The following CES5A variants were observed in gnomAD, a reference collection of about 807,000 sequenced individuals.
CES5A encodes carboxylesterase 5.
Under a neutral mutation model 62.9 loss-of-function variants are expected in CES5A, and 67 were observed. The ratio of observed to expected loss-of-function variants is 1.07; its 90% CI spans 0.88 to 1.31. The LOEUF is 1.31. Among genes scored for constraint, CES5A ranks in the 50% most tolerant of loss-of-function variants. The probability of loss-of-function intolerance (pLI) is 0.00; values close to 1 mark genes in which losing one functional copy is unlikely to be tolerated. For missense variants in CES5A, 748 were observed against 708.5 expected (o/e 1.06, Z -0.63); for synonymous variants, 296 against 280.8 (o/e 1.05, Z -0.54).
intron 6 of CES5A, among the ~76,000 whole-genome samples, chr16:55,862,571 C>CA (rs2033374984): frequency 6.6e-6 from 1 of 152,118 alleles, no homozygotes; most frequent in Admixed American, 6.5e-5. Flanking sequence ...AGAATGTTAC[C>CA]AAAATCAATA....
At chr16:55,880,343 G>C (rs1048197055), upstream of CES5A, among the ~76,000 whole-genome samples, 2 of 152,196 alleles carry the variant, frequency 1.3e-5, no homozygotes, top group Non-Finnish European at 1.5e-5. Flanking sequence ...ACCCTCAACA[G>C]AAGGGTCATG....
intron 7 of CES5A, among the ~76,000 whole-genome samples, chr16:55,860,504 C>G (rs1217997724): frequency 6.6e-6 from 1 of 152,092 alleles, no homozygotes; most frequent in Non-Finnish European, 1.5e-5. Context: ...GATCCTGATG[C>G]ATGTTTAAGT....
chr16:55,893,252 T>A (rs1034492668), intron 1 of CES5A, among the ~76,000 whole-genome samples: 2 of 152,118 alleles, frequency 1.3e-5, no homozygotes, highest in East Asian at 3.8e-4. Context: ...GCTCAACCCT[T>A]CCTCAGCTTA....
chr16:55,876,684 G>T (rs993161996), upstream of CES5A, among the ~76,000 whole-genome samples: 5 of 152,212 alleles, frequency 3.3e-5, no homozygotes, highest in Non-Finnish European at 5.9e-5. Flanking sequence ...AGTGACAGAA[G>T]GGTTCCACAT....
intron 1 of CES5A, among the ~76,000 whole-genome samples, chr16:55,902,696 A>C (rs1471629596): frequency 6.6e-6 from 1 of 152,366 alleles, no homozygotes; most frequent in East Asian, 1.9e-4. Context: ...CAGAAGACAC[A>C]AAAGTGCAGT....
rs1413220960 is a variant in CES5A, at chr16:55,903,748, C to T, written c.-256+21575G>A. Among the ~76,000 whole-genome samples, 3 of 152,190 alleles carry T rather than the reference C, an allele frequency of 2.0e-5. No homozygotes were observed. In the East Asian group the frequency reaches 5.8e-4, roughly 29 times the overall value. ...TGAGATCTTACTGGAGTCTTTCTAG[C>T]TCAGATCCTCTTTACAGACCTTTTA... On this transcript the variant is annotated intron_variant, in intron 1 of 12. Coordinates refer to the CES5A transcript ENST00000518005.
rs555355156 is a variant in CES5A at position 55,943,581 on chromosome 16, T to A, written c.160+6204A>T. Among the ~76,000 whole-genome samples, 6 of 152,370 alleles carry A rather than the reference T, an allele frequency of 3.9e-5. No individual in the cohort carries two copies. In the South Asian group the frequency reaches 1.2e-3, roughly 32 times the overall value. On this transcript the variant is annotated intron_variant, in intron 2 of 13. Transcript: ENST00000521992. ...AGATTTCATTGAAAAGTTTGTGAAT[T>A]ACTGATGTTACAAATGCTAAAAATA...
At chr16:55,856,825 G>A (rs1167524019) in intron 8 of CES5A, among the ~76,000 whole-genome samples, 1 of 152,234 alleles carries the variant, frequency 6.6e-6, no homozygotes, top group Non-Finnish European at 1.5e-5. Flanking sequence ...AAATGTGGCT[G>A]TTAGAGTGGG....
chr16:55,910,063 T>C (rs17319285), intron 1 of CES5A, among the ~76,000 whole-genome samples: 21,706 of 152,114 alleles, frequency 0.14, 1,686 homozygotes, highest in Non-Finnish European at 0.18. Context: ...GACATGCCAT[T>C]TGGACACTGG....
At chr16:55,869,436 C>T in intron 4 of CES5A, 175 bp downstream of exon 4, 1 of 1,219,546 alleles carries the variant, frequency 8.2e-7, no homozygotes, top group South Asian at 2.3e-5. Context: ...TGTTTCAAGC[C>T]ACCAACATTT....
chr16:55,883,290 G>A (rs566422192), intron 1 of CES5A, among the ~76,000 whole-genome samples: 29 of 152,044 alleles, frequency 1.9e-4, no homozygotes, highest in East Asian at 5.8e-4. Flanking sequence ...GTTTTGTTTC[G>A]TTTTAGATGG....
At chr16:55,951,290 G>A (rs1190490830) in intron 1 of CES5A, among the ~76,000 whole-genome samples, 1 of 151,922 alleles carries the variant, frequency 6.6e-6, no homozygotes, top group African/African-American at 2.4e-5. Context: ...CTGGAGGCTG[G>A]GGAAGAAAGA....
intron 8 of CES5A, among the ~76,000 whole-genome samples, chr16:55,858,835 T>C (rs1433622975): frequency 6.6e-5 from 10 of 152,202 alleles, no homozygotes; most frequent in African/African-American, 2.4e-4. Flanking sequence ...AATCAAAAAA[T>C]CATGGGTCTT....
chr16:55,900,229 A>G (rs2033976944), intron 1 of CES5A, among the ~76,000 whole-genome samples: 1 of 152,270 alleles, frequency 6.6e-6, no homozygotes, highest in African/African-American at 2.4e-5. Context: ...TTTCCCAGAG[A>G]GTTGTTTCCC....
intron 11 of CES5A, 65 bp downstream of exon 11, chr16:55,849,559 G>A (rs998954639): frequency 1.5e-5 from 23 of 1,566,188 alleles, no homozygotes; most frequent in South Asian, 9.1e-5. Context: ...TCCTCCAGGC[G>A]CTTGCATCGT....
intron 1 of CES5A, among the ~76,000 whole-genome samples, chr16:55,921,321 A>T (rs1158322221): frequency 2.6e-5 from 4 of 152,142 alleles, no homozygotes; most frequent in African/African-American, 9.6e-5. Flanking sequence ...TAATAATCAA[A>T]CTCTCAAAGG....
intron 1 of CES5A, among the ~76,000 whole-genome samples, chr16:55,917,892 T>C (rs2034163457): frequency 6.6e-6 from 1 of 152,218 alleles, no homozygotes; most frequent in Non-Finnish European, 1.5e-5. Flanking sequence ...AAGTTTTTCC[T>C]ATCTTAAGAA....
At chr16:55,874,878 T>C (rs1234532397) in intron 1 of CES5A, among the ~76,000 whole-genome samples, 1 of 152,166 alleles carries the variant, frequency 6.6e-6, no homozygotes, top group Non-Finnish European at 1.5e-5. Flanking sequence ...TCCTCACGCT[T>C]CTCCAGTGCT....
intron 2 of CES5A, among the ~76,000 whole-genome samples, chr16:55,931,918 TG>T (rs767348271): frequency 6.6e-6 from 1 of 152,206 alleles, no homozygotes; most frequent in Non-Finnish European, 1.5e-5. Context: ...AGTTAATGTT[TG>T]GCCCCTCTGA....
Sources: gnomAD v4.1 joint callset for allele counts (sites outside exome capture counted in the v4.1 genomes callset) on GRCh38, gnomAD v4.1.1 for gene constraint, MANE v1.5 for transcripts, NCBI Gene and HGNC (gene_info 2026-07-23, HGNC 2026-07-21) for gene names.